GALNT17: variants seen among roughly 807,000 people sequenced by gnomAD.
The protein encoded by GALNT17 is polypeptide N-acetylgalactosaminyltransferase 17, also known as UDP-GalNAc:polypeptide N-acetylgalactosaminyltransferase-like 3.
GALNT17 carries 29 observed loss-of-function variants against 63.7 expected under a neutral mutation model. That is an observed-to-expected ratio of 0.46 (90% CI 0.34 to 0.62). GALNT17 has a LOEUF of 0.62. Among genes scored for constraint, GALNT17 ranks in the 20% least tolerant of loss-of-function variants. GALNT17 has a pLI of 0.01. For synonymous variants in GALNT17, 305 were observed against 318.3 expected, an observed-to-expected ratio of 0.96 and a Z score of 0.45; for missense variants, 603 against 799.6, an observed-to-expected ratio of 0.75 and a Z score of 2.97.
intron 1 of GALNT17, among the ~76,000 whole-genome samples, chr7:71,217,171 A>T: frequency 8.1e-6 from 1 of 124,178 alleles, no homozygotes; most frequent in Admixed American, 9.1e-5. Flanking sequence ...TTTTTGAGAT[A>T]GAGTTTTGCC....
At chr7:71,533,192 T>C (rs1788748963) in intron 5 of GALNT17, among the ~76,000 whole-genome samples, 1 of 152,118 alleles carries the variant, frequency 6.6e-6, no homozygotes, top group Admixed American at 6.5e-5. Flanking sequence ...GCTTGTGCAT[T>C]TGTTAAACTA....
At chr7:71,694,676 G>A (rs953743885) in intron 9 of GALNT17, among the ~76,000 whole-genome samples, 12 of 152,194 alleles carry the variant, frequency 7.9e-5, no homozygotes, top group South Asian at 2.1e-4. Context: ...GATTACAGGC[G>A]TGAGCCACGG....
At chr7:71,141,711 C>T (rs1787896096) in intron 1 of GALNT17, among the ~76,000 whole-genome samples, 1 of 147,718 alleles carries the variant, frequency 6.8e-6, no homozygotes, top group Non-Finnish European at 1.5e-5. Flanking sequence ...GAGTCTCGCT[C>T]TGTTACCCAG....
intron 5 of GALNT17, among the ~76,000 whole-genome samples, chr7:71,550,611 A>G (rs1789060551): frequency 6.6e-6 from 1 of 152,054 alleles, no homozygotes; most frequent in African/African-American, 2.4e-5. Context: ...GAACACCTGA[A>G]CTTAAGTGAT....
At chr7:71,294,410 T>A (rs1450063450) in intron 1 of GALNT17, among the ~76,000 whole-genome samples, 1 of 69,822 alleles carries the variant, frequency 1.4e-5, no homozygotes, top group Non-Finnish European at 2.4e-5. Flanking sequence ...TCATAAGTCC[T>A]TTTTTTTTTT....
Position 71,421,090 on chromosome 7 carries a change from C to T in GALNT17, c.947C>T (p.Pro316Leu). Residue 316 changes from proline (P) to leucine (L), a missense_variant, in exon 5 of 11, where the codon CCT becomes CTT. Pro to Leu is a moderately conservative substitution (Grantham distance 98). Coordinates refer to ENST00000333538, the MANE Select transcript of GALNT17 (RefSeq NM_022479.3). ...AAAGACTGGTGGGACGCCGGAGACCCTTCTCTCCCCATCAGGTCTGTGGCT... is the reference window on the plus strand; with the variant it reads ...AAAGACTGGTGGGACGCCGGAGACCTTTCTCTCCCCATCAGGTCTGTGGCT... ...PPKDWWDAGD[P>L]SLPIRTPAMI... The T allele has an allele frequency of 6.2e-7, 1 of 1,614,024 alleles. No individual in the cohort carries two copies. The highest frequency in any genetic ancestry group is 8.5e-7 in the Non-Finnish European group (1 of 1,179,972).
intron 5 of GALNT17, among the ~76,000 whole-genome samples, chr7:71,466,126 C>T (rs1215982362): frequency 2.0e-5 from 3 of 152,088 alleles, no homozygotes; most frequent in Non-Finnish European, 2.9e-5. Flanking sequence ...CTGCAGTGGC[C>T]GTTTCAAAAT....
chr7:71,710,769 C>T lies in GALNT17; in HGVS notation c.1509C>T (p.Arg503=), dbSNP rs1791780745. Residue 503 remains arginine (R), a synonymous_variant, in exon 10 of 11, where the codon CGC becomes CGT. Transcript: ENST00000333538. ...CTCTGGTCTCTCGACAGCTTGCCCG[C>T]TACACCAAGGAAGGCTTCCTGCACT... The part of the protein sequence containing the change: ...PCHGWGPQLA[R]YTKEGFLHLG... 6.2e-7 allele frequency: 1 copy of T among 1,612,182 alleles called. No homozygotes were observed. Among genetic ancestry groups the T allele is most frequent in the African/African-American group, 1.3e-5 (1 of 74,890 alleles).
chr7:71,617,929 G>A (rs778955243), intron 6 of GALNT17, among the ~76,000 whole-genome samples: 19 of 152,076 alleles, frequency 1.2e-4, no homozygotes, highest in South Asian at 2.1e-4. Context: ...TTAGAGGTAT[G>A]AGCCACTGCG....
intron 5 of GALNT17, among the ~76,000 whole-genome samples, chr7:71,543,034 T>TC (rs1788919490): frequency 2.6e-5 from 2 of 77,952 alleles, no homozygotes; most frequent in Admixed American, 2.8e-4. Context: ...GTTTGACCTT[T>TC]GTTAAAAAAA....
At chr7:71,210,889 A>G in intron 1 of GALNT17, among the ~76,000 whole-genome samples, 1 of 152,186 alleles carries the variant, frequency 6.6e-6, no homozygotes, top group Non-Finnish European at 1.5e-5. Flanking sequence ...TATTGTCACT[A>G]TTTTTTAAGA....
chr7:71,469,022 A>G (rs989032062), intron 5 of GALNT17, among the ~76,000 whole-genome samples: 8 of 152,166 alleles, frequency 5.3e-5, no homozygotes, highest in Non-Finnish European at 8.8e-5. Flanking sequence ...ACAAAGTGAC[A>G]TGCGTGCTCT....
At chr7:71,692,821 C>G (rs1412544066) in intron 9 of GALNT17, among the ~76,000 whole-genome samples, 1 of 151,428 alleles carries the variant, frequency 6.6e-6, no homozygotes, top group Non-Finnish European at 1.5e-5. Flanking sequence ...TCACTGCAAC[C>G]TCCACCTCCC....
intron 6 of GALNT17, among the ~76,000 whole-genome samples, chr7:71,606,581 C>G (rs1790051833): frequency 6.6e-6 from 1 of 152,170 alleles, no homozygotes; most frequent in African/African-American, 2.4e-5. Context: ...ACCCAGTAGT[C>G]TGATTAGACT....
In GALNT17 at chr7:71,665,054, T is replaced by C. The variant is rs147827722; in HGVS notation, c.1081-357T>C. ...GTGAAGTGGCACTATCTCAGCTCAC[T>C]GCAACCTCCACCTCCCGGGTTCAAC... On this transcript the variant is annotated intron_variant, in intron 6 of 10. Transcript: ENST00000333538. Among the ~76,000 whole-genome samples the C allele has an allele frequency of 3.3e-3, 501 of 152,314 alleles. 6 individuals are homozygous for C. The highest frequency in any genetic ancestry group is 0.011 in the African/African-American group (477 of 41,574).
intron 6 of GALNT17, among the ~76,000 whole-genome samples, chr7:71,621,167 C>T (rs1410781849): frequency 1.2e-4 from 19 of 152,096 alleles, no homozygotes; most frequent in Admixed American, 1.2e-3. Context: ...AGCTATTAAT[C>T]CAGCCTGAAC....
chr7:71,412,188 C>T (rs115946355), intron 3 of GALNT17, among the ~76,000 whole-genome samples: 1,556 of 152,280 alleles, frequency 0.01, 30 homozygotes, highest in African/African-American at 0.036. Context: ...GCCTTTAGTT[C>T]CAGCTGCTCG....
At chr7:71,389,140 C>CTT (rs370291975) in intron 3 of GALNT17, among the ~76,000 whole-genome samples, 1 of 147,678 alleles carries the variant, frequency 6.8e-6, no homozygotes, top group African/African-American at 2.5e-5. Context: ...TACCCCTGCC[C>CTT]TTTTTTTTTT....
At chr7:71,146,284 A>G (rs1056561118) in intron 1 of GALNT17, among the ~76,000 whole-genome samples, 2 of 152,092 alleles carry the variant, frequency 1.3e-5, no homozygotes, top group East Asian at 3.9e-4. Context: ...TGCTGCAACA[A>G]CTGAGTCCGC....
Sources: gnomAD v4.1 joint callset for allele counts (sites outside exome capture counted in the v4.1 genomes callset) on GRCh38, gnomAD v4.1.1 for gene constraint, MANE v1.5 for transcripts, NCBI Gene and HGNC (gene_info 2026-07-23, HGNC 2026-07-21) for gene names.